The following SLCO2B1 variants were observed in gnomAD, a reference collection of about 807,000 sequenced individuals.
SLCO2B1 encodes the protein OATP-RP2.
A neutral mutation model predicts 67.3 loss-of-function variants in SLCO2B1; 41 were observed. The observed-to-expected ratio is 0.61, with a 90% CI of 0.47 to 0.79. The LOEUF is 0.79. Ranked by LOEUF, SLCO2B1 falls within the 30% of genes least tolerant of loss-of-function variation. SLCO2B1 has a pLI of 0.00. For synonymous variants in SLCO2B1, 379 were observed against 381.4 expected (o/e 0.99, Z 0.07); for missense variants, 837 against 920.1 (o/e 0.91, Z 1.17).
chr11:75,189,076 T>A (rs1295194552), intron 8 of SLCO2B1, among the ~76,000 whole-genome samples: 1 of 152,230 alleles, frequency 6.6e-6, no homozygotes, highest in African/African-American at 2.4e-5. Context: ...CGTTTCCCCA[T>A]CTATATAGCC....
At chr11:75,173,905 C>T (rs1007506179) in intron 7 of SLCO2B1, among the ~76,000 whole-genome samples, 4 of 152,190 alleles carry the variant, frequency 2.6e-5, no homozygotes, top group Non-Finnish European at 2.9e-5. Flanking sequence ...CAGGTTCAAG[C>T]GATTCTTCCG....
chr11:75,181,796 C>G (rs1171758688), intron 7 of SLCO2B1, among the ~76,000 whole-genome samples: 3 of 152,300 alleles, frequency 2.0e-5, no homozygotes, highest in Admixed American at 2.0e-4. Flanking sequence ...GGCTGCTGAC[C>G]CAGGCAAACA....
chr11:75,200,088 T>TGA, intron 10 of SLCO2B1, 136 bp from the exon 11 acceptor site: 5 of 861,294 alleles, frequency 5.8e-6, no homozygotes, highest in Non-Finnish European at 7.0e-6. Context: ...CGGGTCACGA[T>TGA]CTCGGACTCC....
intron 11 of SLCO2B1, chr11:75,202,407 G>A (rs1013936343): frequency 3.0e-5 from 5 of 164,870 alleles, no homozygotes; most frequent in Admixed American, 2.8e-4. Flanking sequence ...TCTGTAAAAT[G>A]GGGCTAATGT....
chr11:75,175,772 G>T (rs1480129004), intron 7 of SLCO2B1, among the ~76,000 whole-genome samples: 1 of 152,176 alleles, frequency 6.6e-6, no homozygotes, highest in Non-Finnish European at 1.5e-5. Context: ...CCCCGAGGAG[G>T]TCTGAGAAGG....
intron 2 of SLCO2B1, 148 bp downstream of exon 2, chr11:75,162,933 G>A: frequency 1.0e-6 from 1 of 966,754 alleles, no homozygotes; most frequent in Non-Finnish European, 1.5e-6. Context: ...GGGATGATCT[G>A]CGAAAGCACT....
At chr11:75,179,421 A>T (rs1565541692) in intron 7 of SLCO2B1, among the ~76,000 whole-genome samples, 1 of 151,680 alleles carries the variant, frequency 6.6e-6, no homozygotes, top group Admixed American at 6.6e-5. Context: ...TAGTAGAGAC[A>T]GGGTTTTACC....
intron 7 of SLCO2B1, among the ~76,000 whole-genome samples, chr11:75,185,111 G>C (rs144334306): frequency 6.0e-4 from 91 of 152,346 alleles, no homozygotes; most frequent in African/African-American, 1.4e-3. Context: ...CCAGCCTTGA[G>C]CCAGCCAGCA....
intron 4 of SLCO2B1, among the ~76,000 whole-genome samples, chr11:75,166,261 C>T (rs1228097468): frequency 6.6e-6 from 1 of 152,088 alleles, no homozygotes; most frequent in East Asian, 1.9e-4. Flanking sequence ...TGCAGTAGAC[C>T]CTCCGGAATT....
At chr11:75,191,244 C>G (rs539635519) in intron 8 of SLCO2B1, among the ~76,000 whole-genome samples, 2 of 152,270 alleles carry the variant, frequency 1.3e-5, no homozygotes, top group African/African-American at 4.8e-5. Context: ...GGGCGAGCCC[C>G]TGTCCCTCTC....
At position 75,200,339 on chromosome 11, in the gene SLCO2B1, C is replaced by T. The variant is rs765383081; in HGVS notation, c.1715C>T (p.Ser572Leu). 20 of 1,612,916 alleles carry T rather than the reference C, an allele frequency of 1.2e-5. No homozygotes were observed. The highest frequency in any genetic ancestry group is 5.0e-5 in the Admixed American group (3 of 59,936). The change falls in exon 11 of 14, where the codon TCG (serine) becomes TTG (leucine). Residue 572 changes from serine to leucine, a missense_variant. By Grantham distance (145) the Ser-to-Leu change is moderately radical. Coordinates refer to ENST00000289575, the MANE Select transcript of SLCO2B1 (RefSeq NM_007256.5). ...VPFLLLVSLG[S>L]ALACLTHTPS... ...TTCCTGCTCCTGGTCAGCCTGGGCT[C>T]GGCCCTGGCCTGTCTCACCCACACA... is the stretch of plus-strand genomic sequence containing the variant.
Position 75,163,958 on chromosome 11 carries a change from C to G in SLCO2B1, c.148-5C>G, listed in dbSNP as rs374178603. 5.6e-6 allele frequency: 9 copies of G among 1,595,354 alleles called. No individual in the cohort carries two copies. The East Asian group carries it at 9.2e-5, about 16-fold the overall frequency. On this transcript the variant is annotated splice_region_variant and splice_polypyrimidine_tract_variant and intron_variant, in intron 2 of 13. Coordinates refer to ENST00000289575, the MANE Select transcript of SLCO2B1 (RefSeq NM_007256.5). Reference sequence around the variant, plus strand: ...ACCTCTGCCTGCCTCCGGGTCCCCCCACAGCTGTTCGTTCTGTGCCACAGC... The same window carrying G: ...ACCTCTGCCTGCCTCCGGGTCCCCCGACAGCTGTTCGTTCTGTGCCACAGC...
chr11:75,169,616 G>A, intron 5 of SLCO2B1, 50 bp from the exon 6 acceptor site: 1 of 1,506,092 alleles, frequency 6.6e-7, no homozygotes, highest in Non-Finnish European at 9.1e-7. Flanking sequence ...GCACTGGTCT[G>A]CAGAGGGAAG....
In SLCO2B1 at chr11:75,193,075, AT is replaced by A. The variant is rs1945048174; in HGVS notation, c.1076-142del. 8 of 644,916 alleles carry A rather than the reference AT, an allele frequency of 1.2e-5. No homozygotes were observed. The highest frequency in any genetic ancestry group is 2.1e-5 in the Non-Finnish European group (8 of 372,810). The allele number at this position is 644,916 out of a possible 1,614,324, so 39.9% of individuals were successfully genotyped here. A position where few individuals can be genotyped will look rare whatever the true frequency, so the allele number is the denominator to read the frequency against. On this transcript the variant is annotated intron_variant, in intron 8 of 13. Transcript: ENST00000289575. The surrounding 1 kb of genome is among the most constrained non-coding windows in gnomAD (Gnocchi z 4.2). ...AGTAAATGGAATGGAGTCAAGTGGGATAAAATTGATTGCAATAGAATTAAGT... is the reference window on the plus strand; with the variant it reads ...AGTAAATGGAATGGAGTCAAGTGGGAAAAATTGATTGCAATAGAATTAAGT...
At position 75,172,319 on chromosome 11, in the gene SLCO2B1, C is replaced by T. The variant is rs781321184; in HGVS notation, c.782-60C>T. 39 of 1,478,804 alleles carry T rather than the reference C, an allele frequency of 2.6e-5. 1 individual carries two copies. The highest frequency in any genetic ancestry group is 3.9e-5 in the Admixed American group (2 of 51,240). 91.6% of individuals were successfully genotyped at this position (1,478,804 alleles called of 1,614,324 possible). Reference sequence around the variant, plus strand: ...GTCTCAGAGGCCAGTCCCAGGATGGCGGCTTAGAAGTGACAGCCTATCATC... The same window carrying T: ...GTCTCAGAGGCCAGTCCCAGGATGGTGGCTTAGAAGTGACAGCCTATCATC... On this transcript the variant is annotated intron_variant, in intron 6 of 13. Coordinates refer to ENST00000289575, the MANE Select transcript of SLCO2B1 (RefSeq NM_007256.5).
chr11:75,175,233 G>A (rs1950009544), intron 7 of SLCO2B1, among the ~76,000 whole-genome samples: 1 of 152,114 alleles, frequency 6.6e-6, no homozygotes, highest in Admixed American at 6.5e-5. Flanking sequence ...ATTGATGTGG[G>A]AGGAATTGTT....
chr11:75,203,382 G>A lies in SLCO2B1; in HGVS notation c.1904G>A (p.Arg635His), dbSNP rs199857166. Residue 635 changes from arginine (R) to histidine (H), a missense_variant, in exon 13 of 14, where the codon CGT becomes CAT. Arg to His is a conservative substitution (Grantham distance 29). Transcript: ENST00000289575. ...TCVHWALSCG[R>H]RAVCRYYNND... ...GTGCACTGGGCCCTGAGCTGTGGGCGTCGAGCTGTCTGTCGCTACTACAAT... is the reference window on the plus strand; with the variant it reads ...GTGCACTGGGCCCTGAGCTGTGGGCATCGAGCTGTCTGTCGCTACTACAAT... The A allele has an allele frequency of 1.6e-5, 26 of 1,614,078 alleles. No individual in the cohort carries two copies. The East Asian group carries it at 2.5e-4, about 15-fold the overall frequency.
intron 8 of SLCO2B1, among the ~76,000 whole-genome samples, chr11:75,192,490 G>A (rs1375260308): frequency 3.9e-5 from 6 of 152,126 alleles, no homozygotes; most frequent in Non-Finnish European, 7.4e-5. Flanking sequence ...TTTGGGATGC[G>A]AAGGAGGATG....
intron 12 of SLCO2B1, 75 bp from the exon 13 acceptor site, chr11:75,203,232 G>A (rs1319188997): frequency 5.1e-6 from 8 of 1,566,946 alleles, no homozygotes; most frequent in Non-Finnish European, 6.9e-6. Context: ...GAGCCCCTGA[G>A]GGGTTGTACA....
Sources: gnomAD v4.1 joint callset for allele counts (sites outside exome capture counted in the v4.1 genomes callset) on GRCh38, gnomAD v4.1.1 for gene constraint, Gnocchi (gnomAD v3.1) non-coding constraint, MANE v1.5 for transcripts, NCBI Gene and HGNC (gene_info 2026-07-23, HGNC 2026-07-21) for gene names.